The following TUBGCP6 variants were observed in gnomAD, a reference collection of about 807,000 sequenced individuals.
TUBGCP6 encodes the protein tubulin gamma complex component 6.
A neutral mutation model predicts 175.8 loss-of-function variants in TUBGCP6; 161 were observed. That is an observed-to-expected ratio of 0.92 (90% CI 0.81 to 1.04). The LOEUF is 1.04. Ranked by LOEUF, TUBGCP6 falls within the 50% of genes least tolerant of loss-of-function variation. TUBGCP6 has a pLI of 0.00. For synonymous variants in TUBGCP6, 1,173 were observed against 1,030.5 expected, an observed-to-expected ratio of 1.14 and a Z score of -2.65; for missense variants, 2,572 against 2,433.0, an observed-to-expected ratio of 1.06 and a Z score of -1.20.
At chr22:50,227,869 C>T (rs376618947) in intron 5 of TUBGCP6, 38 bp downstream of exon 5, 79 of 1,559,892 alleles carry the variant, frequency 5.1e-5, no homozygotes, top group African/African-American at 1.4e-4. Context: ...ACACCGCTCC[C>T]GCAAAGTCCC....
rs5771247 is a variant in TUBGCP6 at position 50,225,617 on chromosome 22, A to G, written c.1983+177T>C. Among the ~76,000 whole-genome samples the G allele has an allele frequency of 0.016, 1,109 of 70,190 alleles. 17 individuals carry two copies. The highest frequency in any genetic ancestry group is 0.05 in the African/African-American group (723 of 14,346). The allele number at this position is 70,190 out of a possible 152,430, so 46.0% of individuals were successfully genotyped here. ...CACCCTTCATCTCAACTCCCCGTTGACACCCACCCTTCATCTCAACTCCCC... is the reference window on the plus strand; with the variant it reads ...CACCCTTCATCTCAACTCCCCGTTGGCACCCACCCTTCATCTCAACTCCCC... On this transcript the variant is annotated intron_variant, in intron 10 of 24. Coordinates refer to ENST00000248846, the MANE Select transcript of TUBGCP6 (RefSeq NM_020461.4).
In TUBGCP6 at chr22:50,221,423, C is replaced by A; in HGVS notation, c.2936G>T (p.Ser979Ile). 1 of 1,601,040 alleles carries A rather than the reference C, an allele frequency of 6.2e-7. No homozygotes were observed. The highest frequency in any genetic ancestry group is 1.1e-5 in the South Asian group (1 of 90,110). ...GTCCTCCCACAGCTGTAGCCCTGAG[C>A]TGCCCAAGCTGCACTCTGCAGCCTG... ...PLQAAECSLG[S>I]SGLQLWEDSC... Residue 979 changes from serine (S) to isoleucine (I), a missense_variant, in exon 16 of 25, where the codon AGC (serine) becomes ATC (isoleucine). Coordinates refer to ENST00000248846, the MANE Select transcript of TUBGCP6 (RefSeq NM_020461.4).
Position 50,221,310 on chromosome 22 carries a change from C to T in TUBGCP6, c.3049G>A (p.Gly1017Arg). 6.2e-7 allele frequency: 1 copy of T among 1,613,590 alleles called. No homozygotes were observed. Among genetic ancestry groups the T allele is most frequent in the Non-Finnish European group, 8.5e-7 (1 of 1,180,010 alleles). The change falls in exon 16 of 25, where the codon GGG (glycine) becomes AGG (arginine). Residue 1017 changes from glycine to arginine, a missense_variant. Transcript: ENST00000248846. ...HPPRRAALEE[G>R]SSQPTERLFG... ...AGCCGCTCTGTGGGCTGGCTGCTCCCCTCCTCCAGAGCAGCACGCCTGGGT... is the reference window on the plus strand; with the variant it reads ...AGCCGCTCTGTGGGCTGGCTGCTCCTCTCCTCCAGAGCAGCACGCCTGGGT...
Position 50,229,442 on chromosome 22 carries a change from C to G in TUBGCP6, c.1252G>C (p.Val418Leu), listed in dbSNP as rs373896485. ...TRLSHFSLQP[V>L]LDSLYSKGLV... ...CCCTTGCTGTACAAAGAGTCCAGGA[C>G]GGGCTGCAGAGAGAAATGACTCAGG... The change falls in exon 4 of 25, where the codon GTC (valine) becomes CTC (leucine). Residue 418 changes from valine to leucine, a missense_variant. Transcript: ENST00000248846. 7 of 1,613,386 alleles carry G rather than the reference C, an allele frequency of 4.3e-6. No homozygotes were observed. Among genetic ancestry groups the G allele is most frequent in the African/African-American group, 1.3e-5 (1 of 74,908 alleles).
chr22:50,244,417 G>A lies in TUBGCP6; in HGVS notation c.43C>T (p.Leu15Phe). Residue 15 changes from leucine to phenylalanine, a missense_variant, in exon 1 of 25, where the codon CTC becomes TTC. By Grantham distance (22) the Leu-to-Phe change is conservative. Coordinates refer to ENST00000248846, the MANE Select transcript of TUBGCP6 (RefSeq NM_020461.4). Reference sequence around the variant, plus strand: ...AGGTGAGTCTTGGCAGCCGGCAGGAGGGCCTCACACAGGTCGTCGAACAGC... The same window carrying A: ...AGGTGAGTCTTGGCAGCCGGCAGGAAGGCCTCACACAGGTCGTCGAACAGC... ...TQLFDDLCEA[L>F]LPAAKTHLGQ... is the part of the protein sequence containing the mutation. 2 of 1,612,986 alleles carry A rather than the reference G, an allele frequency of 1.2e-6. No homozygotes were observed. Among genetic ancestry groups the A allele is most frequent in the Non-Finnish European group, 1.7e-6 (2 of 1,179,970 alleles).
rs2064506678 is a variant in TUBGCP6 at position 50,220,792 on chromosome 22, T to A, written c.3567A>T (p.Gly1189=). ...AGCTGATGCTGGCATCAGACACGTG[T>A]CCATGGGTGTTCCACCGTGGCCGGG... ...APARPRWNTH[G]HVSDASISLG... The change falls in exon 16 of 25, where the codon GGA becomes GGT. Residue 1189 remains glycine, a synonymous_variant. Transcript: ENST00000248846. The A allele has an allele frequency of 3.1e-6, 5 of 1,595,188 alleles. No homozygotes were observed. In the East Asian group the frequency reaches 1.2e-4, roughly 37 times the overall value.
intron 10 of TUBGCP6, among the ~76,000 whole-genome samples, chr22:50,225,212 G>A (rs1217227709): frequency 6.6e-6 from 1 of 152,150 alleles, no homozygotes; most frequent in East Asian, 1.9e-4. Flanking sequence ...CCTCAAGAGG[G>A]GGCTTCCCCG....
At chr22:50,243,176 A>T (rs1038123259) in intron 1 of TUBGCP6, among the ~76,000 whole-genome samples, 1 of 152,018 alleles carries the variant, frequency 6.6e-6, no homozygotes, top group African/African-American at 2.4e-5. Flanking sequence ...TTAGTTGGGC[A>T]TGGTGGCTCA....
intron 16 of TUBGCP6, 78 bp from the exon 17 acceptor site, chr22:50,220,093 C>A: frequency 6.4e-7 from 1 of 1,560,580 alleles, no homozygotes; most frequent in Non-Finnish European, 8.7e-7. Flanking sequence ...GGCCCTGGCT[C>A]AAGCAGCCCC....
chr22:50,227,147 CAA>C, intron 5 of TUBGCP6, 70 bp from the exon 6 acceptor site: 1 of 1,401,304 alleles, frequency 7.1e-7, no homozygotes, highest in Non-Finnish European at 9.8e-7. Flanking sequence ...AGATCGTGAG[CAA>C]AGTCTCCACG....
chr22:50,239,506 G>C (rs2064814794), intron 2 of TUBGCP6, among the ~76,000 whole-genome samples: 1 of 152,182 alleles, frequency 6.6e-6, no homozygotes, highest in Non-Finnish European at 1.5e-5. Flanking sequence ...TGGGTTCTGG[G>C]AGTTATCAAA....
At chr22:50,232,893 C>T (rs1231973781) in intron 3 of TUBGCP6, among the ~76,000 whole-genome samples, 5 of 152,232 alleles carry the variant, frequency 3.3e-5, no homozygotes, top group Admixed American at 1.3e-4. Context: ...GGTGCCAGAA[C>T]CAGTAAGGCC....
intron 3 of TUBGCP6, among the ~76,000 whole-genome samples, chr22:50,231,893 A>G (rs1418438388): frequency 6.6e-6 from 1 of 151,724 alleles, no homozygotes; most frequent in Non-Finnish European, 1.5e-5. Flanking sequence ...GACTATGAAA[A>G]CAAGAGAAAA....
chr22:50,219,854 G>A, intron 17 of TUBGCP6, 63 bp from the exon 18 acceptor site: 5 of 1,603,172 alleles, frequency 3.1e-6, no homozygotes, highest in South Asian at 1.1e-5. Flanking sequence ...ACCAGCTTGT[G>A]CCAAAAAAAG....
rs1206511673 is a variant in TUBGCP6 at position 50,218,905 on chromosome 22, G to A, written c.4627-8C>T. The A allele has an allele frequency of 2.5e-6, 4 of 1,605,760 alleles. No individual in the cohort carries two copies. Among genetic ancestry groups the A allele is most frequent in the African/African-American group, 1.3e-5 (1 of 74,780 alleles). ...CGTTTGCCCAGCTCCAAGCTAGGCA[G>A]AAAAGGGACCACCGTCCCCAGGAGT... On this transcript the variant is annotated splice_polypyrimidine_tract_variant and splice_region_variant and intron_variant, in intron 20 of 24. Transcript: ENST00000248846.
chr22:50,242,587 C>T (rs909133617), intron 1 of TUBGCP6, among the ~76,000 whole-genome samples: 1 of 152,128 alleles, frequency 6.6e-6, no homozygotes, highest in Non-Finnish European at 1.5e-5. Context: ...AAGAATAGAA[C>T]GACTAGTAAC....
intron 4 of TUBGCP6, among the ~76,000 whole-genome samples, chr22:50,228,899 C>T (rs1258802504): frequency 6.6e-6 from 1 of 152,184 alleles, no homozygotes; most frequent in Non-Finnish European, 1.5e-5. Context: ...GCCCCATCAT[C>T]CACCTGCCTA....
intron 3 of TUBGCP6, among the ~76,000 whole-genome samples, chr22:50,231,081 C>CAA (rs35669469): frequency 0.013 from 285 of 22,352 alleles, 7 homozygotes; most frequent in African/African-American, 0.029. Flanking sequence ...GACTCTATCT[C>CAA]AAAAAAAAAA....
intron 13 of TUBGCP6, 34 bp downstream of exon 13, chr22:50,224,107 T>G: frequency 6.3e-7 from 1 of 1,597,490 alleles, no homozygotes; most frequent in Non-Finnish European, 8.6e-7. Flanking sequence ...CCTGCCGCAC[T>G]GCACCCCTGG....
Sources: allele counts gnomAD v4.1 joint callset (sites outside exome capture counted in the v4.1 genomes callset), GRCh38; gene constraint gnomAD v4.1.1; transcripts MANE v1.5; gene names NCBI Gene and HGNC (gene_info 2026-07-23, HGNC 2026-07-21).